Variants in ADCY2 observed in about 807,000 individuals in gnomAD.
ADCY2 encodes the protein adenylate cyclase type 2.
In ADCY2, 31 loss-of-function variants were observed where a neutral mutation model predicts 125.2. The observed-to-expected ratio is 0.25, with a 90% CI of 0.19 to 0.33. ADCY2 has a LOEUF of 0.33. Among genes scored for constraint, ADCY2 ranks in the 10% least tolerant of loss-of-function variants. The pLI is 1.00. For missense variants in ADCY2, 904 were observed against 1,418.2 expected, an observed-to-expected ratio of 0.64 and a Z score of 5.82; for synonymous variants, 512 against 548.4, an observed-to-expected ratio of 0.93 and a Z score of 0.93.
chr5:7,412,623 G>A (rs1279214549), intron 1 of ADCY2, among the ~76,000 whole-genome samples: 1 of 152,256 alleles, frequency 6.6e-6, no homozygotes, highest in Non-Finnish European at 1.5e-5. Flanking sequence ...TAGCAGTGGA[G>A]GGAGAGAAAA....
chr5:7,589,557 G>A (rs1736781296), intron 3 of ADCY2, among the ~76,000 whole-genome samples: 2 of 147,956 alleles, frequency 1.4e-5, no homozygotes, highest in South Asian at 2.2e-4. Flanking sequence ...GAAGGAGGAA[G>A]GAAGGAAGGA....
intron 4 of ADCY2, among the ~76,000 whole-genome samples, chr5:7,670,032 A>G (rs1402601373): frequency 6.6e-6 from 1 of 152,264 alleles, no homozygotes; most frequent in Non-Finnish European, 1.5e-5. Context: ...GGCTCAGGGT[A>G]ACCACTCCAG....
chr5:7,761,137 TCTTTTCTTTTC>T (rs377266988), intron 16 of ADCY2, among the ~76,000 whole-genome samples: 125 of 84,402 alleles, frequency 1.5e-3, no homozygotes, highest in African/African-American at 5.0e-3. Flanking sequence ...AAATTTCTTT[TCTTTTCTTTTC>T]TTTTTTTTTT....
chr5:7,488,764 C>T (rs946868866), intron 2 of ADCY2, among the ~76,000 whole-genome samples: 5 of 152,288 alleles, frequency 3.3e-5, no homozygotes, highest in Middle Eastern at 3.4e-3. Context: ...TGAGCATTCT[C>T]GCCCCTAGAT....
At chr5:7,661,218 G>A (rs1739516970) in intron 4 of ADCY2, among the ~76,000 whole-genome samples, 1 of 152,086 alleles carries the variant, frequency 6.6e-6, no homozygotes, top group Non-Finnish European at 1.5e-5. Context: ...TAAATTATAT[G>A]TGCTAATATT....
chr5:7,804,519 CTA>C, intron 21 of ADCY2, 64 bp from the exon 22 acceptor site: 1 of 1,214,514 alleles, frequency 8.2e-7, no homozygotes, highest in Non-Finnish European at 1.2e-6. Flanking sequence ...GAGAATGTCT[CTA>C]TAAAATGCTC....
intron 2 of ADCY2, among the ~76,000 whole-genome samples, chr5:7,454,770 A>C (rs1428178563): frequency 6.6e-6 from 1 of 152,188 alleles, no homozygotes; most frequent in Non-Finnish European, 1.5e-5. Flanking sequence ...ATTTGAGCTC[A>C]TATTGTATCT....
chr5:7,740,468 G>T (rs929567309), intron 14 of ADCY2, among the ~76,000 whole-genome samples: 1 of 151,914 alleles, frequency 6.6e-6, no homozygotes, highest in Admixed American at 6.6e-5. Context: ...AACTCATAAG[G>T]TTCCTTCAAT....
At chr5:7,650,133 C>T (rs1739036882) in intron 4 of ADCY2, among the ~76,000 whole-genome samples, 1 of 151,952 alleles carries the variant, frequency 6.6e-6, no homozygotes, top group Non-Finnish European at 1.5e-5. Context: ...TAAAATAGTT[C>T]ATTAACTGGC....
intron 2 of ADCY2, among the ~76,000 whole-genome samples, chr5:7,456,022 T>C (rs1480843777): frequency 6.6e-6 from 1 of 151,280 alleles, no homozygotes; most frequent in Non-Finnish European, 1.5e-5. Context: ...CTTTCATCTT[T>C]AAGAAATGAG....
chr5:7,529,557 G>A (rs6555472), intron 3 of ADCY2, among the ~76,000 whole-genome samples: 67,645 of 151,704 alleles, frequency 0.45, 16,757 homozygotes, highest in South Asian at 0.57. Flanking sequence ...GGACATGGAA[G>A]CGAATGTGAG....
intron 15 of ADCY2, among the ~76,000 whole-genome samples, chr5:7,757,123 T>TC (rs1468462431): frequency 6.6e-6 from 1 of 152,072 alleles, no homozygotes; most frequent in Non-Finnish European, 1.5e-5. Context: ...ACCCAACACA[T>TC]CCCCCAGGGT....
chr5:7,667,807 C>T (rs562705247), intron 4 of ADCY2, among the ~76,000 whole-genome samples: 3 of 152,342 alleles, frequency 2.0e-5, no homozygotes, highest in South Asian at 2.1e-4. Context: ...ATTAAGAAGA[C>T]GTTCTAAGCG....
chr5:7,781,482 G>A (rs781514437), intron 18 of ADCY2, among the ~76,000 whole-genome samples: 4 of 152,182 alleles, frequency 2.6e-5, no homozygotes, highest in African/African-American at 4.8e-5. Context: ...GGAATGCCAC[G>A]TGATGATGAA....
chr5:7,627,597 A>G (rs930136576), intron 4 of ADCY2, among the ~76,000 whole-genome samples: 5 of 152,246 alleles, frequency 3.3e-5, no homozygotes, highest in African/African-American at 1.2e-4. Flanking sequence ...AGTGTTTGGC[A>G]TATCATGGAT....
At chr5:7,569,823 C>T (rs1736017495) in intron 3 of ADCY2, among the ~76,000 whole-genome samples, 1 of 152,042 alleles carries the variant, frequency 6.6e-6, no homozygotes, top group African/African-American at 2.4e-5. Context: ...ATGTAATTGA[C>T]CCAACTGGGG....
At chr5:7,458,836 GA>G (rs1364167342) in intron 2 of ADCY2, among the ~76,000 whole-genome samples, 2 of 152,118 alleles carry the variant, frequency 1.3e-5, no homozygotes, top group Non-Finnish European at 2.9e-5. Context: ...ACTTTAGCCT[GA>G]AAAAAAGTGT....
At chr5:7,539,132 G>A (rs953072390) in intron 3 of ADCY2, among the ~76,000 whole-genome samples, 1 of 151,822 alleles carries the variant, frequency 6.6e-6, no homozygotes, top group African/African-American at 2.4e-5. Context: ...CAAAGTGCTG[G>A]GATGACAGGT....
intron 4 of ADCY2, among the ~76,000 whole-genome samples, chr5:7,683,265 C>T (rs1740400517): frequency 6.6e-6 from 1 of 152,236 alleles, no homozygotes; most frequent in South Asian, 2.1e-4. Flanking sequence ...CTTGTGGGCA[C>T]ACCACGTGAG....
Sources: gnomAD v4.1 joint callset for allele counts (sites outside exome capture counted in the v4.1 genomes callset) on GRCh38, gnomAD v4.1.1 for gene constraint, MANE v1.5 for transcripts, NCBI Gene and HGNC (gene_info 2026-07-23, HGNC 2026-07-21) for gene names.